KATNAL2: variants seen among roughly 807,000 people sequenced by gnomAD.
The protein encoded by KATNAL2 is katanin p60 ATPase-containing subunit A-like 2.
Under a neutral mutation model 76.3 loss-of-function variants are expected in KATNAL2, and 52 were observed. The ratio of observed to expected loss-of-function variants is 0.68; its 90% confidence interval spans 0.55 to 0.86. KATNAL2 has a LOEUF of 0.86. Ranked by LOEUF, KATNAL2 falls within the 40% of genes least tolerant of loss-of-function variation. KATNAL2 has a pLI of 0.00. For synonymous variants in KATNAL2, 243 were observed against 244.2 expected, an observed-to-expected ratio of 1.00 and a Z score of 0.05; for missense variants, 660 against 668.9, an observed-to-expected ratio of 0.99 and a Z score of 0.15.
In KATNAL2 at chr18:47,071,712, T is replaced by G. The variant is rs189608763; in HGVS notation, c.1008+2112T>G. Among the ~76,000 whole-genome samples the G allele has an allele frequency of 4.6e-5, 7 of 152,154 alleles. No homozygotes were observed. The East Asian group carries it at 1.4e-3, about 29-fold the overall frequency. On this transcript the variant is annotated intron_variant, in intron 13 of 17. Transcript: ENST00000683218. The stretch of plus-strand genomic sequence containing the variant: ...AAGAGGAAACTCAGGAAGTTTATAA[T>G]ATTCCTAACAAAGATTGAAGTTACA...
chr18:47,058,396 G>A, intron 7 of KATNAL2, 44 bp downstream of exon 7: 1 of 1,081,568 alleles, frequency 9.2e-7, no homozygotes, highest in Non-Finnish European at 1.4e-6. Context: ...ACACTTGGCT[G>A]AAAAATAGCC....
chr18:47,071,892 C>CA lies in KATNAL2; in HGVS notation c.1008+2300dup, dbSNP rs1207605458. Among the ~76,000 whole-genome samples the CA allele has an allele frequency of 3.3e-4, 23 of 70,696 alleles. 1 individual carries two copies. The highest frequency in any genetic ancestry group is 4.9e-4 in the Admixed American group (3 of 6,100). The allele number at this position is 70,696 out of a possible 152,430, so 46.4% of individuals were successfully genotyped here. A position where few individuals can be genotyped will look rare whatever the true frequency, so the allele number is the denominator to read the frequency against. On this transcript the variant is annotated intron_variant, in intron 13 of 17. Transcript: ENST00000683218. ...AAGAAAAGTCCCAGTGGAGTGGGAGCAAAAAAAATTAATTAAAAAAAAAAA... is the reference window on the plus strand; with the variant it reads ...AAGAAAAGTCCCAGTGGAGTGGGAGCAAAAAAAAATTAATTAAAAAAAAAAA...
intron 15 of KATNAL2, among the ~76,000 whole-genome samples, chr18:47,083,994 T>C (rs2062649510): frequency 6.6e-6 from 1 of 152,226 alleles, no homozygotes; most frequent in Non-Finnish European, 1.5e-5. Context: ...ACACCTGGTA[T>C]ACCAAGCTCT....
chr18:47,081,413 T>C (rs1262340934), intron 15 of KATNAL2, among the ~76,000 whole-genome samples: 1 of 151,418 alleles, frequency 6.6e-6, no homozygotes, highest in Non-Finnish European at 1.5e-5. Flanking sequence ...TTCAAAACAT[T>C]ATTTTAATAT....
intron 3 of KATNAL2, chr18:47,033,626 C>G (rs531443878): frequency 6.2e-7 from 1 of 1,614,200 alleles, no homozygotes; most frequent in Non-Finnish European, 8.5e-7. Flanking sequence ...ACCTCTCCCA[C>G]GTCGCTGAGG....
intron 1 of KATNAL2, among the ~76,000 whole-genome samples, chr18:46,920,685 G>A (rs2058489687): frequency 6.6e-6 from 1 of 152,184 alleles, no homozygotes; most frequent in Admixed American, 6.5e-5. Context: ...TCAAAGGAAT[G>A]GCTGAGTGGT....
At chr18:47,084,547 G>A (rs1371871965) in intron 15 of KATNAL2, 2 of 610,392 alleles carry the variant, frequency 3.3e-6, no homozygotes, top group South Asian at 1.9e-5. Context: ...GTTGCTCAAT[G>A]TCTTTAAAAT....
intron 15 of KATNAL2, among the ~76,000 whole-genome samples, chr18:47,082,181 G>C (rs546888621): frequency 6.6e-6 from 1 of 152,274 alleles, no homozygotes; most frequent in Non-Finnish European, 1.5e-5. Context: ...AGATGAAAGA[G>C]CTAATGTGGG....
At chr18:47,068,356 T>C (rs1484507457) in intron 11 of KATNAL2, among the ~76,000 whole-genome samples, 2 of 152,240 alleles carry the variant, frequency 1.3e-5, no homozygotes, top group Non-Finnish European at 2.9e-5. Flanking sequence ...TCAATACATT[T>C]GGATTCTCTT....
intron 1 of KATNAL2, among the ~76,000 whole-genome samples, chr18:46,927,047 G>A (rs1235542584): frequency 6.6e-6 from 1 of 152,132 alleles, no homozygotes; most frequent in Non-Finnish European, 1.5e-5. Context: ...CAATTTTCCA[G>A]TCTGTGTCTT....
chr18:46,948,281 T>C (rs1357376508), intron 3 of KATNAL2, among the ~76,000 whole-genome samples: 1 of 136,730 alleles, frequency 7.3e-6, no homozygotes, highest in Non-Finnish European at 1.6e-5. Flanking sequence ...CAGCTAACTT[T>C]TTGTATTTTT....
At chr18:46,952,365 T>A (rs183154765) in intron 3 of KATNAL2, among the ~76,000 whole-genome samples, 53 of 149,594 alleles carry the variant, frequency 3.5e-4, no homozygotes, top group African/African-American at 1.2e-3. Context: ...ATTATAGGCA[T>A]GAGCCATTGC....
intron 1 of KATNAL2, among the ~76,000 whole-genome samples, chr18:46,931,414 G>A (rs1183047496): frequency 6.6e-6 from 1 of 152,054 alleles, no homozygotes; most frequent in African/African-American, 2.4e-5. Context: ...CACTTTGGGA[G>A]GCAGAGGTGG....
At chr18:47,089,967 TG>T (rs2062929352) in intron 15 of KATNAL2, among the ~76,000 whole-genome samples, 1 of 152,226 alleles carries the variant, frequency 6.6e-6, no homozygotes, top group Non-Finnish European at 1.5e-5. Flanking sequence ...TTTGTATTTT[TG>T]GTAGAGCTGG....
At position 47,101,063 on chromosome 18, in the gene KATNAL2, A is replaced by C. The variant is rs1480381145; in HGVS notation, c.*58A>C. 3.2e-6 allele frequency: 5 copies of C among 1,586,878 alleles called. No individual in the cohort carries two copies. In the East Asian group the frequency reaches 9.0e-5, roughly 28 times the overall value. ...AACCACAAAGACCTCCTAGTTTATT[A>C]ATGTCCGTGGGAGAACAAAATGATT... On this transcript the variant is annotated 3_prime_UTR_variant, in exon 18 of 18. Transcript: ENST00000683218.
rs2063438634 is a variant in KATNAL2 at position 47,101,535 on chromosome 18, C to T, written c.*530C>T. ...AGCTCCCCCTAATTCTGACTCCATC[C>T]AGCTTTGTCAGCAGCAAACCCCTCC... On this transcript the variant is annotated 3_prime_UTR_variant, in exon 18 of 18. Coordinates refer to ENST00000683218, the MANE Select transcript of KATNAL2 (RefSeq NM_001387690.1). 6.5e-6 allele frequency: 1 copy of T among 154,554 alleles called. No individual in the cohort carries two copies. Among genetic ancestry groups the T allele is most frequent in the Admixed American group, 6.3e-5 (1 of 15,796 alleles). 9.6% of individuals were successfully genotyped at this position (154,554 alleles called of 1,614,324 possible).
chr18:46,940,977 G>T (rs1482006789), intron 1 of KATNAL2, among the ~76,000 whole-genome samples: 1 of 152,116 alleles, frequency 6.6e-6, no homozygotes, highest in Non-Finnish European at 1.5e-5. Context: ...GTGAGCTATT[G>T]TGATGGTGCC....
At chr18:47,078,318 C>T (rs1234848127) in intron 15 of KATNAL2, among the ~76,000 whole-genome samples, 1 of 152,100 alleles carries the variant, frequency 6.6e-6, no homozygotes, top group African/African-American at 2.4e-5. Context: ...GGACCCCCCC[C>T]AAACCAGAAG....
At chr18:47,040,292 T>A (rs1251637247) in intron 3 of KATNAL2, among the ~76,000 whole-genome samples, 1 of 152,238 alleles carries the variant, frequency 6.6e-6, no homozygotes, top group Non-Finnish European at 1.5e-5. Flanking sequence ...TAACCACAGT[T>A]GTTTGTTTCT....
Sources: allele counts gnomAD v4.1 joint callset (sites outside exome capture counted in the v4.1 genomes callset), GRCh38; gene constraint gnomAD v4.1.1; transcripts MANE v1.5; gene names NCBI Gene and HGNC (gene_info 2026-07-23, HGNC 2026-07-21).